Variants in TMEM198 observed in about 807,000 individuals in gnomAD.
TMEM198 encodes transmembrane protein 198.
TMEM198 carries 21 observed loss-of-function variants against 31.5 expected under a neutral mutation model. That is an observed-to-expected ratio of 0.67 (90% CI 0.47 to 0.96). The LOEUF (loss-of-function observed/expected upper bound fraction) is 0.96. Ranked by LOEUF, TMEM198 falls within the 40% of genes least tolerant of loss-of-function variation. The probability of loss-of-function intolerance (pLI) is 0.00; values close to 1 mark genes in which losing one functional copy is unlikely to be tolerated. For synonymous variants in TMEM198, 211 were observed against 223.3 expected (o/e 0.95, Z 0.49); for missense variants, 447 against 499.4 (o/e 0.89, Z 1.00).
In TMEM198 at chr2:219,544,395, C is replaced by T. The variant is rs1241122057; in HGVS notation, c.-40+18C>T. The T allele has an allele frequency of 2.0e-6, 1 of 510,244 alleles. No homozygotes were observed. The allele number at this position is 510,244 out of a possible 1,614,324, so 31.6% of individuals were successfully genotyped here. On this transcript the variant is annotated intron_variant, in intron 1 of 4. Transcript: ENST00000373883. Reference sequence around the variant, plus strand: ...CAGCCCAGGTAAATCTTGGACAATCCCATATTGAGCCGCCCACAGATGAAT... The same window carrying T: ...CAGCCCAGGTAAATCTTGGACAATCTCATATTGAGCCGCCCACAGATGAAT...
intron 2 of TMEM198, among the ~76,000 whole-genome samples, chr2:219,546,004 C>A (rs1178755339): frequency 2.0e-5 from 3 of 152,136 alleles, no homozygotes; most frequent in African/African-American, 7.2e-5. Context: ...TCTGTACCCA[C>A]TCCCTCTGCA....
chr2:219,547,600 G>A lies in TMEM198; in HGVS notation c.261G>A (p.Glu87=), dbSNP rs755726334. The A allele has an allele frequency of 8.8e-6, 13 of 1,481,516 alleles. No homozygotes were observed. Among genetic ancestry groups the A allele is most frequent in the Non-Finnish European group, 9.0e-7 (1 of 1,113,688 alleles). 91.8% of individuals were successfully genotyped at this position (1,481,516 alleles called of 1,614,324 possible). ...FLLCYRERVL[E]TQLSAGASAG... ...TCTGCTACCGAGAGCGGGTGCTAGA[G>A]ACACAGCTGAGTGCTGGGGCGAGCG... Residue 87 remains glutamate, a synonymous_variant, in exon 3 of 5, where the codon GAG becomes GAA. Coordinates refer to ENST00000373883, the MANE Select transcript of TMEM198 (RefSeq NM_001005209.3).
Position 219,549,943 on chromosome 2 carries a change from T to C in TMEM198, c.*89T>C, listed in dbSNP as rs1695516954. ...TGCCACTCAGCCTCCTGGCTTTGGC[T>C]GTCCCTCTCCCCAGCCTGGAGAGGG... On this transcript the variant is annotated 3_prime_UTR_variant, in exon 5 of 5. Coordinates refer to ENST00000373883, the MANE Select transcript of TMEM198 (RefSeq NM_001005209.3). 1 of 1,535,524 alleles carries C rather than the reference T, an allele frequency of 6.5e-7. No homozygotes were observed. Among genetic ancestry groups the C allele is most frequent in the Non-Finnish European group, 8.9e-7 (1 of 1,129,616 alleles).
chr2:219,543,833 G>GTCTCGGGC (rs1695331814), upstream of TMEM198: 1 of 430,050 alleles, frequency 2.3e-6, no homozygotes, highest in African/African-American at 2.1e-5. Context: ...CCGGGGTGGG[G>GTCTCGGGC]TCTCGGGCTC....
intron 2 of TMEM198, among the ~76,000 whole-genome samples, chr2:219,545,116 T>C (rs1344452870): frequency 6.6e-6 from 1 of 152,374 alleles, no homozygotes; most frequent in South Asian, 2.1e-4. Context: ...CAGTTACTAA[T>C]TGTGATGTCT....
rs1302345310 is a variant in TMEM198 at position 219,544,199 on chromosome 2, C to G, written c.-218C>G. 4.3e-6 allele frequency: 2 copies of G among 461,568 alleles called. No individual in the cohort carries two copies. The highest frequency in any genetic ancestry group is 8.8e-6 in the Non-Finnish European group (2 of 227,090). The allele number at this position is 461,568 out of a possible 1,614,324, so 28.6% of individuals were successfully genotyped here. On this transcript the variant is annotated 5_prime_UTR_variant, in exon 1 of 5. Coordinates refer to ENST00000373883, the MANE Select transcript of TMEM198 (RefSeq NM_001005209.3). Reference sequence around the variant, plus strand: ...GACTGGAGTGCCAGCCGGTGTTGGACGTGGAGCGGCGCCGCCACCGCGCCG... The same window carrying G: ...GACTGGAGTGCCAGCCGGTGTTGGAGGTGGAGCGGCGCCGCCACCGCGCCG...
chr2:219,544,912 C>T lies in TMEM198; in HGVS notation c.166+19C>T. 1 of 1,609,370 alleles carries T rather than the reference C, an allele frequency of 6.2e-7. No homozygotes were observed. ...TTCTTCGGTGAGATCCCCATCTCATCCCTCACCTGGGCTCCCCAGTGTTTC... is the reference window on the plus strand; with the variant it reads ...TTCTTCGGTGAGATCCCCATCTCATTCCTCACCTGGGCTCCCCAGTGTTTC... On this transcript the variant is annotated intron_variant, in intron 2 of 4. Transcript: ENST00000373883.
chr2:219,549,217 G>A lies in TMEM198; in HGVS notation c.808G>A (p.Glu270Lys). The A allele has an allele frequency of 6.2e-7, 1 of 1,614,010 alleles. No homozygotes were observed. The highest frequency in any genetic ancestry group is 2.2e-5 in the East Asian group (1 of 44,878). ...GATTCGGCAGCAGGAAGATCGCAAG[G>A]AGAAAAGGCGGAAAAAGAGACCTCC... The part of the protein sequence containing the change: ...MRIRQQEDRK[E>K]KRRKKRPPRA... The change falls in exon 4 of 5, where the codon GAG (glutamate) becomes AAG (lysine). Residue 270 changes from glutamate to lysine, a missense_variant. Physicochemically the swap from Glu to Lys is moderately conservative, Grantham distance 56. Transcript: ENST00000373883.
Position 219,549,899 on chromosome 2 carries a change from T to C in TMEM198, c.*45T>C. Reference sequence around the variant, plus strand: ...CTCTGCAGTCACCAGCTCTGCCAGCTCGAGGAGGCCTGCTAGGCTGCCACT... The same window carrying C: ...CTCTGCAGTCACCAGCTCTGCCAGCCCGAGGAGGCCTGCTAGGCTGCCACT... On this transcript the variant is annotated 3_prime_UTR_variant, in exon 5 of 5. Transcript: ENST00000373883. The C allele has an allele frequency of 6.3e-7, 1 of 1,592,304 alleles. No homozygotes were observed. The highest frequency in any genetic ancestry group is 8.6e-7 in the Non-Finnish European group (1 of 1,163,556).
intron 3 of TMEM198, 150 bp downstream of exon 3, chr2:219,548,231 A>G: frequency 1.4e-6 from 1 of 727,690 alleles, no homozygotes; most frequent in Non-Finnish European, 2.1e-6. Flanking sequence ...GATAGCACCC[A>G]GGTGCCATCA....
rs397987890 is a variant in TMEM198, at chr2:219,546,778, C to CTTTT, written c.167-714_167-711dup. On this transcript the variant is annotated intron_variant, in intron 2 of 4. Transcript: ENST00000373883. ...TGTGTGACCCTCACCTCTCAAGTTT[C>CTTTT]TTTTTTTTTTTTTTTTTGAGACAAG... Among the ~76,000 whole-genome samples, 244 of 127,234 alleles carry CTTTT rather than the reference C, an allele frequency of 1.9e-3. 6 individuals carry two copies. Among genetic ancestry groups the CTTTT allele is most frequent in the Admixed American group, 2.3e-3 (28 of 12,028 alleles). The allele number at this position is 127,234 out of a possible 152,430, so 83.5% of individuals were successfully genotyped here.
At chr2:219,543,993 GCC>G, upstream of TMEM198, 1 of 353,366 alleles carries the variant, frequency 2.8e-6, no homozygotes, top group South Asian at 2.1e-5. Context: ...GTCAGAAGCA[GCC>G]CGCCCCTGCC....
At chr2:219,548,930 G>C (rs1458331397) in intron 3 of TMEM198, 7 of 562,860 alleles carry the variant, frequency 1.2e-5, no homozygotes, top group Non-Finnish European at 2.2e-5. Context: ...GTACCTGGAA[G>C]CCTAGCAACC....
At chr2:219,545,252 G>A (rs924746677) in intron 2 of TMEM198, among the ~76,000 whole-genome samples, 3 of 152,220 alleles carry the variant, frequency 2.0e-5, no homozygotes, top group Non-Finnish European at 4.4e-5. Flanking sequence ...GGATGTGTTT[G>A]GCTAACTGTG....
chr2:219,547,834 G>A lies in TMEM198; in HGVS notation c.495G>A (p.Leu165=). The A allele has an allele frequency of 3.1e-6, 5 of 1,589,294 alleles. No homozygotes were observed. Among genetic ancestry groups the A allele is most frequent in the African/African-American group, 1.3e-5 (1 of 74,870 alleles). The change falls in exon 3 of 5, where the codon CTG becomes CTA. Residue 165 remains leucine (L), a synonymous_variant. Transcript: ENST00000373883. ...GGGLLCALLT[L]RWPRPLTTLA... Reference sequence around the variant, plus strand: ...GCCTGCTCTGTGCCCTGCTCACTCTGCGCTGGCCCCGCCCACTCACCACCC... The same window carrying A: ...GCCTGCTCTGTGCCCTGCTCACTCTACGCTGGCCCCGCCCACTCACCACCC...
chr2:219,545,649 G>A (rs537110867), intron 2 of TMEM198, among the ~76,000 whole-genome samples: 100 of 152,326 alleles, frequency 6.6e-4, no homozygotes, highest in African/African-American at 2.4e-3. Flanking sequence ...GTGACCAGTG[G>A]CTTTGCAGCA....
chr2:219,549,862 T>A lies in TMEM198; in HGVS notation c.*8T>A, dbSNP rs767412536. 1.2e-6 allele frequency: 2 copies of A among 1,613,224 alleles called. No homozygotes were observed. Among genetic ancestry groups the A allele is most frequent in the East Asian group, 4.5e-5 (2 of 44,846 alleles). On this transcript the variant is annotated 3_prime_UTR_variant, in exon 5 of 5. Transcript: ENST00000373883. ...CCCCCAGTGCGGGTATAGCCATATCTGTCTGTCTAGACTCTGCAGTCACCA... is the reference window on the plus strand; with the variant it reads ...CCCCCAGTGCGGGTATAGCCATATCAGTCTGTCTAGACTCTGCAGTCACCA...
chr2:219,546,777 T>TC (rs1231926699), intron 2 of TMEM198, among the ~76,000 whole-genome samples: 1 of 62,592 alleles, frequency 1.6e-5, no homozygotes, highest in Middle Eastern at 7.2e-3. Context: ...CTCTCAAGTT[T>TC]CTTTTTTTTT....
chr2:219,544,467 C>T, intron 1 of TMEM198, 90 bp downstream of exon 1: 1 of 580,558 alleles, frequency 1.7e-6, no homozygotes, highest in Non-Finnish European at 3.2e-6. Flanking sequence ...CTTCATCCCC[C>T]CGACTCCCGT....
Sources: allele counts gnomAD v4.1 joint callset (sites outside exome capture counted in the v4.1 genomes callset), GRCh38; gene constraint gnomAD v4.1.1; transcripts MANE v1.5; gene names NCBI Gene and HGNC (gene_info 2026-07-23, HGNC 2026-07-21).